The following ACP3 variants were observed in gnomAD, a reference collection of about 807,000 sequenced individuals.
ACP3 encodes prostatic acid phosphatase.
Under a neutral mutation model 45.6 loss-of-function variants are expected in ACP3, and 38 were observed. That is an observed-to-expected ratio of 0.83 (90% CI 0.64 to 1.09). The LOEUF is 1.09. Among genes scored for constraint, ACP3 ranks in the 50% least tolerant of loss-of-function variants. ACP3 has a pLI of 0.00. For synonymous variants in ACP3, 162 were observed against 164.7 expected, an observed-to-expected ratio of 0.98 and a Z score of 0.13; for missense variants, 466 against 463.2, an observed-to-expected ratio of 1.01 and a Z score of -0.05.
intron 1 of ACP3, among the ~76,000 whole-genome samples, chr3:132,318,226 T>G (rs28608063): frequency 0.17 from 25,611 of 152,184 alleles, 2,787 homozygotes; most frequent in Middle Eastern, 0.33. Context: ...GAAAGAGGGT[T>G]TGCAAAGTGA....
chr3:132,334,244 G>A (rs906578005), intron 4 of ACP3, among the ~76,000 whole-genome samples: 2 of 151,966 alleles, frequency 1.3e-5, no homozygotes, highest in Admixed American at 6.6e-5. Context: ...GGAGAGTGAG[G>A]GAGAGAAAGA....
At chr3:132,337,974 A>T (rs1201940842) in intron 5 of ACP3, among the ~76,000 whole-genome samples, 2 of 152,178 alleles carry the variant, frequency 1.3e-5, no homozygotes, top group African/African-American at 4.8e-5. Flanking sequence ...AAAGGTAGAT[A>T]TAATGCTGTG....
At chr3:132,331,518 G>A (rs903850803) in intron 2 of ACP3, 129 bp from the exon 3 acceptor site, 10 of 643,470 alleles carry the variant, frequency 1.6e-5, no homozygotes, top group Non-Finnish European at 2.3e-5. Flanking sequence ...TGTCATTATT[G>A]TGGAACTATT....
At chr3:132,354,912 T>C (rs770179315) in intron 9 of ACP3, among the ~76,000 whole-genome samples, 7 of 152,252 alleles carry the variant, frequency 4.6e-5, no homozygotes, top group Non-Finnish European at 7.3e-5. Flanking sequence ...ATTTTGAGTC[T>C]TTTAAAATTG....
intron 1 of ACP3, among the ~76,000 whole-genome samples, 171 bp downstream of exon 1, chr3:132,317,747 A>G (rs1290372251): frequency 6.6e-6 from 1 of 152,234 alleles, no homozygotes; most frequent in Non-Finnish European, 1.5e-5. Context: ...ATGAAGACCT[A>G]ACGTGTCCTA....
intron 9 of ACP3, among the ~76,000 whole-genome samples, chr3:132,355,471 C>CTTATTTTATTTTATCTTATTTTATT (rs1937860755): frequency 2.7e-5 from 4 of 146,320 alleles, no homozygotes; most frequent in Non-Finnish European, 6.0e-5. Flanking sequence ...TTATAGACAT[C>CTTATTTTATTTTATCTTATTTTATT]TTATTTTATT....
chr3:132,331,249 G>A (rs182273509), intron 2 of ACP3, among the ~76,000 whole-genome samples: 9 of 152,244 alleles, frequency 5.9e-5, no homozygotes, highest in Admixed American at 6.5e-5. Flanking sequence ...CAGATTCATC[G>A]AGTCTAATCT....
At chr3:132,332,885 G>A (rs931225123) in intron 4 of ACP3, among the ~76,000 whole-genome samples, 2 of 152,156 alleles carry the variant, frequency 1.3e-5, no homozygotes, top group African/African-American at 2.4e-5. Context: ...TCCTTTTATA[G>A]TGAGGGAAAT....
downstream of ACP3, among the ~76,000 whole-genome samples, chr3:132,363,538 C>T (rs138454808): frequency 1.1e-4 from 17 of 152,274 alleles, no homozygotes; most frequent in East Asian, 1.5e-3. Flanking sequence ...GCCACAATTG[C>T]GGTTCTAAGC....
At chr3:132,354,815 G>A (rs1937842100) in intron 9 of ACP3, among the ~76,000 whole-genome samples, 1 of 152,072 alleles carries the variant, frequency 6.6e-6, no homozygotes, top group South Asian at 2.1e-4. Flanking sequence ...AGTTAATATT[G>A]CTTTGTTTCA....
At chr3:132,329,295 G>A (rs1340831989) in intron 2 of ACP3, among the ~76,000 whole-genome samples, 1 of 152,086 alleles carries the variant, frequency 6.6e-6, no homozygotes, top group Admixed American at 6.6e-5. Flanking sequence ...ATCTGGAGAG[G>A]TTTAAAAAAT....
At chr3:132,346,721 G>A (rs1475887250) in intron 7 of ACP3, among the ~76,000 whole-genome samples, 4 of 152,160 alleles carry the variant, frequency 2.6e-5, no homozygotes, top group Non-Finnish European at 4.4e-5. Context: ...TGACTCAGTT[G>A]CAAGCCCCAT....
intron 10 of ACP3, among the ~76,000 whole-genome samples, chr3:132,365,263 A>G (rs1309184877): frequency 6.6e-6 from 1 of 152,210 alleles, no homozygotes; most frequent in Non-Finnish European, 1.5e-5. Flanking sequence ...TAATAAGCAT[A>G]ATAAGTGTTT....
chr3:132,359,093 A>G (rs1369495845), downstream of ACP3, among the ~76,000 whole-genome samples: 8 of 152,216 alleles, frequency 5.3e-5, no homozygotes, highest in Non-Finnish European at 1.0e-4. Context: ...ACAACATGGA[A>G]AAACCAGGGC....
chr3:132,341,417 A>G (rs775542408), intron 5 of ACP3, among the ~76,000 whole-genome samples: 1 of 152,200 alleles, frequency 6.6e-6, no homozygotes, highest in South Asian at 2.1e-4. Flanking sequence ...ATTAATTACA[A>G]TGATTGATTA....
chr3:132,358,505 C>G lies in ACP3; in HGVS notation c.*1627C>G. ...CTACATGTCTAGAGAACACTGTGCTCTATTACCATTATGGATAAAGATGAG... is the reference window on the plus strand; with the variant it reads ...CTACATGTCTAGAGAACACTGTGCTGTATTACCATTATGGATAAAGATGAG... On this transcript the variant is annotated 3_prime_UTR_variant, in exon 10 of 10. Coordinates refer to ENST00000336375, the MANE Select transcript of ACP3 (RefSeq NM_001099.5). 8.0e-7 allele frequency: 1 copy of G among 1,243,390 alleles called. No individual in the cohort carries two copies. The highest frequency in any genetic ancestry group is 1.0e-6 in the Non-Finnish European group (1 of 959,702). The allele number at this position is 1,243,390 out of a possible 1,614,324, so 77.0% of individuals were successfully genotyped here.
intron 1 of ACP3, among the ~76,000 whole-genome samples, chr3:132,321,150 G>T: frequency 6.6e-6 from 1 of 151,966 alleles, no homozygotes; most frequent in Non-Finnish European, 1.5e-5. Context: ...GGACAACAGG[G>T]AAAAACCCTG....
Position 132,328,329 on chromosome 3 carries a change from C to T in ACP3, c.183C>T (p.Ser61=), listed in dbSNP as rs933244215. The part of the protein sequence containing the change: ...DTFPTDPIKE[S]SWPQGFGQLT... ...TTCCCACTGACCCCATAAAGGAATCCTCATGGCCACAAGGATTTGGCCAAC... is the reference window on the plus strand; with the variant it reads ...TTCCCACTGACCCCATAAAGGAATCTTCATGGCCACAAGGATTTGGCCAAC... The change falls in exon 2 of 10, where the codon TCC becomes TCT. Residue 61 remains serine, a synonymous_variant. Coordinates refer to ENST00000336375, the MANE Select transcript of ACP3 (RefSeq NM_001099.5). 4.3e-6 allele frequency: 7 copies of T among 1,613,758 alleles called. No homozygotes were observed. The highest frequency in any genetic ancestry group is 5.9e-6 in the Non-Finnish European group (7 of 1,179,728).
At chr3:132,361,148 T>G (rs1032236838), downstream of ACP3, among the ~76,000 whole-genome samples, 3 of 152,216 alleles carry the variant, frequency 2.0e-5, no homozygotes, top group Admixed American at 6.5e-5. Context: ...CATTCTCATG[T>G]TCCTCCATTG....
Sources: gnomAD v4.1 joint callset for allele counts (sites outside exome capture counted in the v4.1 genomes callset) on GRCh38, gnomAD v4.1.1 for gene constraint, MANE v1.5 for transcripts, NCBI Gene and HGNC (gene_info 2026-07-23, HGNC 2026-07-21) for gene names.